NPSR1: variants seen among roughly 807,000 people sequenced by gnomAD.
NPSR1 encodes neuropeptide S receptor 1, also known as neuropeptide S receptor.
In NPSR1, 48 loss-of-function variants were observed where a neutral mutation model predicts 46.9. The ratio of observed to expected loss-of-function variants is 1.02; its 90% CI spans 0.81 to 1.30. The LOEUF is 1.30. Among genes scored for constraint, NPSR1 ranks in the 50% most tolerant of loss-of-function variants. NPSR1 has a pLI of 0.00. For synonymous variants in NPSR1, 176 were observed against 168.1 expected, an observed-to-expected ratio of 1.05 and a Z score of -0.36; for missense variants, 450 against 449.5, an observed-to-expected ratio of 1.00 and a Z score of -0.01.
chr7:34,815,690 G>A (rs1304794740), intron 4 of NPSR1, among the ~76,000 whole-genome samples: 2 of 152,174 alleles, frequency 1.3e-5, no homozygotes, highest in African/African-American at 4.8e-5. Flanking sequence ...CCCACAAAGG[G>A]AAGCCCATCA....
chr7:34,839,228 A>G, intron 6 of NPSR1, among the ~76,000 whole-genome samples: 1 of 152,252 alleles, frequency 6.6e-6, no homozygotes, highest in East Asian at 1.9e-4. Flanking sequence ...CGTGGATAGT[A>G]AGGTTCAATA....
At chr7:34,823,154 GC>G (rs1329093428) in intron 4 of NPSR1, among the ~76,000 whole-genome samples, 1 of 152,058 alleles carries the variant, frequency 6.6e-6, no homozygotes. Context: ...ACTTCGGGAG[GC>G]TGAGGTGGGT....
intron 1 of NPSR1, among the ~76,000 whole-genome samples, chr7:34,662,020 T>C (rs903695056): frequency 6.6e-6 from 1 of 152,192 alleles, no homozygotes; most frequent in Non-Finnish European, 1.5e-5. Flanking sequence ...CAGCAATGTT[T>C]CCTGAATCTC....
At chr7:34,867,753 T>C (rs981694726) in intron 8 of NPSR1, among the ~76,000 whole-genome samples, 3 of 151,852 alleles carry the variant, frequency 2.0e-5, no homozygotes, top group Non-Finnish European at 2.9e-5. Context: ...ATAAAGCAAG[T>C]GGCTCCCCTG....
intron 2 of NPSR1, among the ~76,000 whole-genome samples, chr7:34,744,729 G>A (rs1019739711): frequency 4.6e-5 from 7 of 152,176 alleles, no homozygotes; most frequent in African/African-American, 1.7e-4. Flanking sequence ...TGTAAAACCA[G>A]TTCCCCATCC....
chr7:34,875,945 CCCA>C (rs1329096231), intron 8 of NPSR1, among the ~76,000 whole-genome samples: 1 of 152,092 alleles, frequency 6.6e-6, no homozygotes, highest in Admixed American at 6.5e-5. Context: ...CCTCCTGAGC[CCCA>C]CCACCCTCCT....
In NPSR1 at chr7:34,849,925, A is replaced by G. The variant is rs1790885147; in HGVS notation, c.*270A>G. 7.3e-6 allele frequency: 9 copies of G among 1,225,636 alleles called. No individual in the cohort carries two copies. Among genetic ancestry groups the G allele is most frequent in the Non-Finnish European group, 9.2e-6 (9 of 974,252 alleles). The allele number at this position is 1,225,636 out of a possible 1,614,324, so 75.9% of individuals were successfully genotyped here. Reference sequence around the variant, plus strand: ...TTCCCACTGGCCAGCACCTGAACCCAGTGAACACAGGCATTAGTGGTCCAG... The same window carrying G: ...TTCCCACTGGCCAGCACCTGAACCCGGTGAACACAGGCATTAGTGGTCCAG... On this transcript the variant is annotated 3_prime_UTR_variant, in exon 9 of 9. Transcript: ENST00000360581.
At chr7:34,751,025 T>A (rs1485834171) in intron 2 of NPSR1, 1 of 772,596 alleles carries the variant, frequency 1.3e-6, no homozygotes, top group Non-Finnish European at 2.4e-6. Context: ...GGGCAGCAAT[T>A]TGAGACTCAG....
chr7:34,789,764 A>AAAAAAAAAAC (rs1787640430), intron 3 of NPSR1, among the ~76,000 whole-genome samples: 1 of 148,316 alleles, frequency 6.7e-6, no homozygotes. Context: ...AAAAAAAAAA[A>AAAAAAAAAAC]TAGATAACCT....
intron 2 of NPSR1, among the ~76,000 whole-genome samples, chr7:34,710,321 C>T (rs546177776): frequency 1.4e-4 from 22 of 152,276 alleles, no homozygotes; most frequent in Non-Finnish European, 2.8e-4. Flanking sequence ...CAGTGGCCTC[C>T]CTTTAGGGAA....
intron 6 of NPSR1, among the ~76,000 whole-genome samples, chr7:34,841,958 T>C (rs1790579899): frequency 6.6e-6 from 1 of 152,248 alleles, no homozygotes; most frequent in Non-Finnish European, 1.5e-5. Context: ...CAGATCATTT[T>C]CTGCTGTACA....
rs1004956824 is a variant in NPSR1, at chr7:34,867,537, A to G, written c.1026-10539A>G. 1.3e-5 allele frequency among the ~76,000 whole-genome samples: 2 copies of G among 151,948 alleles called. 1 individual carries two copies. Among genetic ancestry groups the G allele is most frequent in the African/African-American group, 4.9e-5 (2 of 41,166 alleles). ...GCAATGCCCACTGGCCAGTAACATC[A>G]GAGGGCCCACTGGAAACACATCCAA... On this transcript the variant is annotated intron_variant, in intron 8 of 8. Transcript: ENST00000359791.
chr7:34,740,539 T>A (rs141505160), intron 2 of NPSR1, among the ~76,000 whole-genome samples: 2 of 152,258 alleles, frequency 1.3e-5, no homozygotes, highest in African/African-American at 4.8e-5. Flanking sequence ...AAGGCAGAAA[T>A]GGCTTGTTAG....
intron 6 of NPSR1, among the ~76,000 whole-genome samples, chr7:34,844,621 C>G (rs907313189): frequency 2.0e-5 from 3 of 152,222 alleles, no homozygotes; most frequent in Non-Finnish European, 4.4e-5. Flanking sequence ...AGTCTAATTT[C>G]AGCTGCAGCT....
chr7:34,701,481 C>A (rs1439333100), intron 2 of NPSR1, among the ~76,000 whole-genome samples: 2 of 152,186 alleles, frequency 1.3e-5, no homozygotes, highest in Admixed American at 1.3e-4. Flanking sequence ...CCTGTTAACA[C>A]AGTATGTAAG....
rs575562960 is a variant in NPSR1, at chr7:34,767,381, C to G, written c.281-11081C>G. On this transcript the variant is annotated intron_variant, in intron 2 of 8. Coordinates refer to ENST00000360581, the MANE Select transcript of NPSR1 (RefSeq NM_207172.2). ...GTTTCCAGGGGAAAAAAGTGGACAA[C>G]ATAGATGAACAGTTGAGTGATTTCA... 8.3e-4 allele frequency among the ~76,000 whole-genome samples: 127 copies of G among 152,238 alleles called. 1 individual carries two copies. The highest frequency in any genetic ancestry group is 3.0e-3 in the African/African-American group (123 of 41,560).
intron 1 of NPSR1, among the ~76,000 whole-genome samples, chr7:34,678,261 C>G (rs1169413858): frequency 7.9e-6 from 1 of 125,892 alleles, no homozygotes; most frequent in African/African-American, 3.0e-5. Flanking sequence ...CTCATTCTAT[C>G]TCCAGGCTGG....
chr7:34,851,683 G>A (rs1790937987), downstream of NPSR1, among the ~76,000 whole-genome samples: 1 of 152,216 alleles, frequency 6.6e-6, no homozygotes, highest in Non-Finnish European at 1.5e-5. Context: ...AGGTTCTCTT[G>A]ACAGATGCTT....
At chr7:34,713,997 T>G (rs1783429403) in intron 2 of NPSR1, among the ~76,000 whole-genome samples, 1 of 152,264 alleles carries the variant, frequency 6.6e-6, no homozygotes, top group Admixed American at 6.5e-5. Context: ...TTCATATTTC[T>G]GAGGGTCAAG....
Sources: gnomAD v4.1 joint callset for allele counts (sites outside exome capture counted in the v4.1 genomes callset) on GRCh38, gnomAD v4.1.1 for gene constraint, MANE v1.5 for transcripts, NCBI Gene and HGNC (gene_info 2026-07-23, HGNC 2026-07-21) for gene names.